The following NRG1 variants were observed in gnomAD, a reference collection of about 807,000 sequenced individuals.
NRG1 encodes the protein neuregulin 1.
A neutral mutation model predicts 63.8 loss-of-function variants in NRG1; 18 were observed. The ratio of observed to expected loss-of-function variants is 0.28; its 90% CI spans 0.19 to 0.42. NRG1 has a LOEUF of 0.42. Among genes scored for constraint, NRG1 ranks in the 10% least tolerant of loss-of-function variants. The probability of loss-of-function intolerance (pLI) is 1.00; values close to 1 mark genes in which losing one functional copy is unlikely to be tolerated. For missense variants in NRG1, 762 were observed against 814.7 expected (o/e 0.94, Z 0.79); for synonymous variants, 302 against 301.3 (o/e 1.00, Z -0.02).
At chr8:32,559,922 T>A (rs570390271) in intron 1 of NRG1, among the ~76,000 whole-genome samples, 1 of 151,928 alleles carries the variant, frequency 6.6e-6, no homozygotes, top group African/African-American at 2.4e-5. Flanking sequence ...CTTGGGAGGC[T>A]GAGGCAGAAG....
chr8:32,398,687 T>C (rs1230190017), intron 1 of NRG1, among the ~76,000 whole-genome samples: 1 of 152,108 alleles, frequency 6.6e-6, no homozygotes, highest in Non-Finnish European at 1.5e-5. Flanking sequence ...CTGGGATTAA[T>C]TACAGGTGTG....
chr8:32,593,112 A>AGGCGGGC (rs2129536679), intron 1 of NRG1, among the ~76,000 whole-genome samples: 1 of 151,808 alleles, frequency 6.6e-6, no homozygotes, highest in African/African-American at 2.4e-5. Flanking sequence ...GAAGAGGAAG[A>AGGCGGGC]GGCGGGCATT....
At chr8:31,784,723 G>A (rs1053200628) in intron 1 of NRG1, among the ~76,000 whole-genome samples, 1 of 152,114 alleles carries the variant, frequency 6.6e-6, no homozygotes, top group African/African-American at 2.4e-5. Flanking sequence ...CCAGGACTTG[G>A]CCTCCCAAAG....
intron 11 of NRG1, chr8:32,763,202 C>CT (rs201198881): frequency 3.7e-4 from 579 of 1,574,456 alleles, no homozygotes; most frequent in South Asian, 4.5e-4. Flanking sequence ...TTACTATGCT[C>CT]TTTTTTTTTC....
At chr8:32,444,594 T>C (rs1046385757) in intron 1 of NRG1, among the ~76,000 whole-genome samples, 1 of 152,194 alleles carries the variant, frequency 6.6e-6, no homozygotes, top group Non-Finnish European at 1.5e-5. Flanking sequence ...TGTTAGTGGA[T>C]TGTGATAGGA....
intron 1 of NRG1, among the ~76,000 whole-genome samples, chr8:32,565,613 G>C (rs899884343): frequency 6.6e-6 from 1 of 152,092 alleles, no homozygotes; most frequent in African/African-American, 2.4e-5. Context: ...TTCATTTCAA[G>C]GACTGTTTTC....
intron 1 of NRG1, among the ~76,000 whole-genome samples, chr8:32,585,046 G>A (rs1438941548): frequency 1.3e-5 from 2 of 152,110 alleles, no homozygotes; most frequent in Non-Finnish European, 2.9e-5. Context: ...TCATGTTAAT[G>A]TGCTAACTTT....
At chr8:32,764,319 C>T (rs777461776) in exon 12 of NRG1, 8 of 1,614,012 alleles carry the variant, frequency 5.0e-6, no homozygotes, top group South Asian at 4.4e-5. Context: ...CAGGACTAAC[C>T]CAGCAGGCCG....
At chr8:32,316,198 C>T (rs551951213) in intron 1 of NRG1, among the ~76,000 whole-genome samples, 11 of 152,296 alleles carry the variant, frequency 7.2e-5, no homozygotes, top group South Asian at 6.2e-4. Context: ...TCCTAAGGGA[C>T]CGGGCGCGGT....
intron 3 of NRG1, among the ~76,000 whole-genome samples, chr8:32,609,265 T>C (rs1845872584): frequency 6.6e-6 from 1 of 152,180 alleles, no homozygotes; most frequent in Admixed American, 6.5e-5. Flanking sequence ...CCTCTTCCAC[T>C]GCTATCTAAG....
chr8:32,029,788 A>G (rs1817980217), intron 1 of NRG1, among the ~76,000 whole-genome samples: 1 of 152,164 alleles, frequency 6.6e-6, no homozygotes. Flanking sequence ...CGTATTAAAT[A>G]CTTAACAATT....
At chr8:32,573,383 A>T (rs1839004820) in intron 1 of NRG1, among the ~76,000 whole-genome samples, 1 of 152,224 alleles carries the variant, frequency 6.6e-6, no homozygotes, top group African/African-American at 2.4e-5. Context: ...AACTTTATTT[A>T]CAAAAACAGA....
Position 31,924,585 on chromosome 8 carries a change from T to C in NRG1, c.37+285154T>C, listed in dbSNP as rs562905512. Among the ~76,000 whole-genome samples the C allele has an allele frequency of 8.0e-5, 12 of 149,594 alleles. No homozygotes were observed. The South Asian group carries it at 2.5e-3, about 32-fold the overall frequency. On this transcript the variant is annotated intron_variant, in intron 1 of 10. Coordinates refer to the NRG1 transcript ENST00000519301. ...TTGCTGGCCTTGTTGATGTTCTCTA[T>C]TGTACACTTTTTTCTGTTTTATAAA...
intron 1 of NRG1, among the ~76,000 whole-genome samples, chr8:32,015,676 C>T (rs1416315417): frequency 6.6e-6 from 1 of 152,108 alleles, no homozygotes; most frequent in Admixed American, 6.5e-5. Context: ...AAGAAAGCTA[C>T]ATAAGCATCA....
chr8:32,118,287 A>G (rs962917167), intron 1 of NRG1, among the ~76,000 whole-genome samples: 5 of 151,882 alleles, frequency 3.3e-5, no homozygotes, highest in Admixed American at 3.3e-4. Flanking sequence ...TTGCTCTATT[A>G]GTTTCTGTGA....
chr8:32,598,585 A>G (rs1379810847), intron 2 of NRG1, among the ~76,000 whole-genome samples: 2 of 152,118 alleles, frequency 1.3e-5, no homozygotes, highest in Admixed American at 1.3e-4. Context: ...GTTAGAAATT[A>G]CTTCTTTTAA....
intron 5 of NRG1, among the ~76,000 whole-genome samples, chr8:32,655,962 C>T (rs145923695): frequency 1.3e-5 from 2 of 152,158 alleles, no homozygotes; most frequent in South Asian, 4.1e-4. Flanking sequence ...GTTCACCTTA[C>T]TCTTTTTATT....
At chr8:31,715,436 T>C (rs1440402488) in intron 1 of NRG1, among the ~76,000 whole-genome samples, 1 of 152,178 alleles carries the variant, frequency 6.6e-6, no homozygotes, top group East Asian at 1.9e-4. Context: ...GTCAAGTTTT[T>C]AATAAAAGTA....
intron 2 of NRG1, among the ~76,000 whole-genome samples, chr8:32,602,597 A>G (rs1038837683): frequency 6.6e-6 from 1 of 152,082 alleles, no homozygotes; most frequent in Non-Finnish European, 1.5e-5. Context: ...GAATTTGGGG[A>G]CTTAAGAAAA....
Sources: allele counts gnomAD v4.1 joint callset (sites outside exome capture counted in the v4.1 genomes callset), GRCh38; gene constraint gnomAD v4.1.1; transcripts MANE v1.5; gene names NCBI Gene and HGNC (gene_info 2026-07-23, HGNC 2026-07-21).